Variants in ROBO1 observed in about 807,000 individuals in gnomAD.
ROBO1 encodes roundabout guidance receptor 1.
In ROBO1, 149 loss-of-function variants were observed where a neutral mutation model predicts 195.9. That is an observed-to-expected ratio of 0.76 (90% CI 0.67 to 0.87). The LOEUF (loss-of-function observed/expected upper bound fraction) is 0.87. Ranked by LOEUF, ROBO1 falls within the 40% of genes least tolerant of loss-of-function variation. ROBO1 has a pLI of 0.00. For missense variants in ROBO1, 1,933 were observed against 2,068.3 expected, an observed-to-expected ratio of 0.93 and a Z score of 1.27; for synonymous variants, 816 against 733.2, an observed-to-expected ratio of 1.11 and a Z score of -1.82.
At chr3:78,720,852 C>A (rs988067378) in intron 5 of ROBO1, among the ~76,000 whole-genome samples, 4 of 151,814 alleles carry the variant, frequency 2.6e-5, no homozygotes, top group African/African-American at 9.7e-5. Context: ...GAACAAAAAA[C>A]CAAACACCAC....
At chr3:79,230,572 A>C (rs1485510390) in intron 2 of ROBO1, among the ~76,000 whole-genome samples, 1 of 152,168 alleles carries the variant, frequency 6.6e-6, no homozygotes, top group Admixed American at 6.6e-5. Context: ...CAAGATCTCC[A>C]TAACAACTAT....
intron 3 of ROBO1, among the ~76,000 whole-genome samples, chr3:78,947,843 C>G (rs1437113206): frequency 6.6e-6 from 1 of 152,140 alleles, no homozygotes; most frequent in Non-Finnish European, 1.5e-5. Flanking sequence ...AAGGGGATAA[C>G]ACCACCAATC....
At position 79,572,759 on chromosome 3, in the gene ROBO1, C is replaced by A. The variant is rs190731771; in HGVS notation, c.88+17065G>T. On this transcript the variant is annotated intron_variant, in intron 2 of 30. Coordinates refer to ENST00000464233, the MANE Select transcript of ROBO1 (RefSeq NM_002941.4). ...TTAAGCAAGAAAAACAGAGAAAGGC[C>A]AAATTCATAATATTCAGTTAAATAT... is the stretch of plus-strand genomic sequence containing the variant. 3.1e-3 allele frequency among the ~76,000 whole-genome samples: 467 copies of A among 152,118 alleles called. 3 individuals carry two copies. Among genetic ancestry groups the A allele is most frequent in the African/African-American group, 0.011 (441 of 41,506 alleles).
chr3:79,716,525 A>G (rs1225559898), intron 1 of ROBO1, among the ~76,000 whole-genome samples: 1 of 151,984 alleles, frequency 6.6e-6, no homozygotes, highest in Non-Finnish European at 1.5e-5. Context: ...TTAACGAAAC[A>G]ATACTATGAT....
intron 1 of ROBO1, among the ~76,000 whole-genome samples, chr3:79,672,154 T>C (rs1261731159): frequency 6.6e-6 from 1 of 152,000 alleles, no homozygotes; most frequent in Non-Finnish European, 1.5e-5. Context: ...TGTATTTTCA[T>C]TCAGAGAAGC....
intron 2 of ROBO1, among the ~76,000 whole-genome samples, chr3:79,381,279 C>G (rs551158617): frequency 2.1e-5 from 3 of 146,230 alleles, no homozygotes; most frequent in Non-Finnish European, 3.0e-5. Context: ...ATTGCTTGAA[C>G]CCATGAGGCA....
intron 3 of ROBO1, among the ~76,000 whole-genome samples, chr3:79,049,679 A>T (rs1038443170): frequency 6.6e-6 from 1 of 152,212 alleles, no homozygotes; most frequent in African/African-American, 2.4e-5. Context: ...AGGGAATCCC[A>T]TAAGACTAAC....
chr3:79,186,889 T>C (rs536320404), intron 2 of ROBO1, among the ~76,000 whole-genome samples: 1 of 152,226 alleles, frequency 6.6e-6, no homozygotes, highest in African/African-American at 2.4e-5. Flanking sequence ...ACTGCTCAAA[T>C]ACAGGACTGG....
intron 1 of ROBO1, among the ~76,000 whole-genome samples, chr3:79,598,993 C>T (rs768448950): frequency 2.0e-4 from 31 of 152,086 alleles, no homozygotes; most frequent in Non-Finnish European, 3.8e-4. Context: ...ACCAAGGACT[C>T]TCACAATCCA....
At chr3:79,725,372 GC>G (rs1385848631) in intron 1 of ROBO1, among the ~76,000 whole-genome samples, 17 of 151,350 alleles carry the variant, frequency 1.1e-4, no homozygotes, top group African/African-American at 3.1e-4. Flanking sequence ...GACTACAGGC[GC>G]CCGCCACCAC....
chr3:79,170,391 C>T (rs2081145482), intron 2 of ROBO1, among the ~76,000 whole-genome samples: 1 of 152,236 alleles, frequency 6.6e-6, no homozygotes, highest in African/African-American at 2.4e-5. Context: ...AAAGGTCACT[C>T]TTCTTAAATT....
chr3:79,756,754 T>A (rs1008056530), intron 1 of ROBO1, among the ~76,000 whole-genome samples: 1 of 152,118 alleles, frequency 6.6e-6, no homozygotes, highest in African/African-American at 2.4e-5. Flanking sequence ...ATCCATCTCC[T>A]TAATGTTTTC....
rs537846582 is a variant in ROBO1 at position 78,600,268 on chromosome 3, T to C, written c.4786A>G (p.Asn1596Asp). Reference sequence around the variant, plus strand: ...GAGGAACTGGGATCTCTGGGATTATTTGATGTTGGAAAAGTAGGTCTACAA... The same window carrying C: ...GAGGAACTGGGATCTCTGGGATTATCTGATGTTGGAAAAGTAGGTCTACAA... ...PYCRPTFPTS[N>D]NPRDPSSSSS... The change falls in exon 30 of 31, where the codon AAT becomes GAT. Residue 1596 changes from asparagine (N) to aspartate (D), a missense_variant. Asn to Asp is a conservative substitution (Grantham distance 23, BLOSUM62 1). Transcript: ENST00000464233. 25 of 1,613,190 alleles carry C rather than the reference T, an allele frequency of 1.5e-5. No homozygotes were observed. Among genetic ancestry groups the C allele is most frequent in the East Asian group, 8.9e-5 (4 of 44,834 alleles).
At chr3:78,826,527 C>CGA (rs1420220027) in intron 4 of ROBO1, among the ~76,000 whole-genome samples, 1 of 152,054 alleles carries the variant, frequency 6.6e-6, no homozygotes, top group African/African-American at 2.4e-5. Context: ...GTGTACAAGG[C>CGA]GAGAGATGGT....
At chr3:79,739,248 G>A (rs929240333) in intron 1 of ROBO1, among the ~76,000 whole-genome samples, 1 of 152,132 alleles carries the variant, frequency 6.6e-6, no homozygotes, top group Non-Finnish European at 1.5e-5. Flanking sequence ...AGAAATTTAA[G>A]TCAAAAGCCT....
chr3:79,113,380 A>G (rs1170483542), intron 3 of ROBO1, among the ~76,000 whole-genome samples: 1 of 152,008 alleles, frequency 6.6e-6, no homozygotes, highest in Non-Finnish European at 1.5e-5. Flanking sequence ...TGGCCCATTG[A>G]GTGAGGTTTT....
At position 78,636,096 on chromosome 3, in the gene ROBO1, G is replaced by A; in HGVS notation, c.3050C>T (p.Ala1017Val). The A allele has an allele frequency of 6.2e-7, 1 of 1,610,416 alleles. No individual in the cohort carries two copies. The highest frequency in any genetic ancestry group is 8.5e-7 in the Non-Finnish European group (1 of 1,177,284). ...TTYSRPADCI[A>V]NYNNQLDNKQ... The stretch of plus-strand genomic sequence containing the variant: ...GTTATCCAGTTGGTTGTTATAATTT[G>A]CTATACAATCAGCTATGTGCAATGG... Residue 1017 changes from alanine (A) to valine (V), a missense_variant, in exon 23 of 31, where the codon GCA (alanine) becomes GTA (valine). Physicochemically the swap from Ala to Val is moderately conservative, Grantham distance 64. Transcript: ENST00000464233.
intron 1 of ROBO1, among the ~76,000 whole-genome samples, chr3:79,709,107 C>A (rs1430080532): frequency 3.3e-5 from 5 of 151,964 alleles, no homozygotes; most frequent in Non-Finnish European, 5.9e-5. Context: ...ACATAACCCA[C>A]AAAATAGACA....
At chr3:78,749,493 T>C (rs1307671206) in intron 4 of ROBO1, among the ~76,000 whole-genome samples, 1 of 152,196 alleles carries the variant, frequency 6.6e-6, no homozygotes, top group African/African-American at 2.4e-5. Flanking sequence ...CTGTAAAGCA[T>C]AAAACTTCAG....
Sources: gnomAD v4.1 joint callset for allele counts (sites outside exome capture counted in the v4.1 genomes callset) on GRCh38, gnomAD v4.1.1 for gene constraint, MANE v1.5 for transcripts, NCBI Gene and HGNC (gene_info 2026-07-23, HGNC 2026-07-21) for gene names.